The following LRP1B variants were observed in gnomAD, a reference collection of about 807,000 sequenced individuals.
The protein encoded by LRP1B is low-density lipoprotein receptor-related protein 1B.
LRP1B carries 217 observed loss-of-function variants against 556.6 expected under a neutral mutation model. The observed-to-expected ratio is 0.39, with a 90% CI of 0.35 to 0.44. The LOEUF (loss-of-function observed/expected upper bound fraction) is 0.44, where lower values mean the gene tolerates loss of function less well. Ranked by LOEUF, LRP1B falls within the 20% of genes least tolerant of loss-of-function variation. LRP1B has a pLI of 1.00. For synonymous variants in LRP1B, 2,047 were observed against 1,865.8 expected (o/e 1.10, Z -2.50); for missense variants, 5,053 against 5,620.8 (o/e 0.90, Z 3.23).
At chr2:142,036,663 A>G (rs1171199922) in intron 1 of LRP1B, among the ~76,000 whole-genome samples, 1 of 151,580 alleles carries the variant, frequency 6.6e-6, no homozygotes, top group South Asian at 2.1e-4. Context: ...TTTGACAAAA[A>G]TAATAACAAT....
At chr2:140,406,479 A>G (rs1684743812) in intron 66 of LRP1B, among the ~76,000 whole-genome samples, 2 of 152,252 alleles carry the variant, frequency 1.3e-5, no homozygotes, top group Admixed American at 1.3e-4. Context: ...TAGGTCTAAT[A>G]AACACATTCA....
intron 63 of LRP1B, among the ~76,000 whole-genome samples, chr2:140,446,797 A>T (rs1396059752): frequency 6.6e-6 from 1 of 152,182 alleles, no homozygotes; most frequent in East Asian, 1.9e-4. Flanking sequence ...CTCCAAAAAC[A>T]CAGGCAACAA....
intron 41 of LRP1B, among the ~76,000 whole-genome samples, chr2:140,638,254 C>T (rs553424548): frequency 5.2e-4 from 79 of 152,266 alleles, no homozygotes; most frequent in African/African-American, 1.7e-3. Flanking sequence ...CTCAACAAAG[C>T]ACTGTTATAT....
chr2:141,365,485 T>C (rs1456993512), intron 3 of LRP1B, among the ~76,000 whole-genome samples: 1 of 29,558 alleles, frequency 3.4e-5, no homozygotes, highest in Admixed American at 2.1e-4. Context: ...TAGAAGTGTT[T>C]TTTTTTTTTT....
intron 25 of LRP1B, among the ~76,000 whole-genome samples, chr2:140,882,982 G>A (rs971093316): frequency 5.9e-5 from 9 of 152,084 alleles, no homozygotes; most frequent in African/African-American, 1.4e-4. Context: ...AAATCAACAG[G>A]AATAACAAAG....
At chr2:140,628,802 G>A (rs1683772920) in intron 41 of LRP1B, among the ~76,000 whole-genome samples, 1 of 152,108 alleles carries the variant, frequency 6.6e-6, no homozygotes, top group South Asian at 2.1e-4. Context: ...GGATCATGGA[G>A]GTGAATTTCC....
intron 5 of LRP1B, among the ~76,000 whole-genome samples, chr2:141,241,966 A>C: frequency 6.6e-6 from 1 of 152,104 alleles, no homozygotes; most frequent in East Asian, 1.9e-4. Flanking sequence ...TAAATGGTGA[A>C]TCTTCATACA....
At chr2:141,811,125 A>T (rs1325459321) in intron 1 of LRP1B, among the ~76,000 whole-genome samples, 1 of 152,024 alleles carries the variant, frequency 6.6e-6, no homozygotes, top group Non-Finnish European at 1.5e-5. Flanking sequence ...AACTCATCAG[A>T]TGTTTGTTTT....
chr2:141,651,370 A>G (rs536424656), intron 2 of LRP1B, among the ~76,000 whole-genome samples: 1 of 152,342 alleles, frequency 6.6e-6, no homozygotes, highest in African/African-American at 2.4e-5. Context: ...GCATAAAAGT[A>G]TTTTAAAAAT....
intron 3 of LRP1B, among the ~76,000 whole-genome samples, chr2:141,290,211 C>A (rs1685887709): frequency 6.6e-6 from 1 of 152,048 alleles, no homozygotes; most frequent in African/African-American, 2.4e-5. Context: ...AGCAATAGCT[C>A]TACTTCATGG....
intron 20 of LRP1B, among the ~76,000 whole-genome samples, chr2:140,929,753 G>GACTC (rs1262826176): frequency 1.8e-5 from 1 of 54,286 alleles, no homozygotes; most frequent in African/African-American, 5.1e-5. Context: ...CAGTCATATA[G>GACTC]ACTCACACAC....
At chr2:141,291,293 G>A (rs984957692) in intron 3 of LRP1B, among the ~76,000 whole-genome samples, 2 of 151,946 alleles carry the variant, frequency 1.3e-5, no homozygotes, top group Non-Finnish European at 2.9e-5. Flanking sequence ...ATATTTTCAC[G>A]AGTTTTTATA....
chr2:140,479,074 T>C (rs1688105996), intron 59 of LRP1B, among the ~76,000 whole-genome samples: 1 of 152,034 alleles, frequency 6.6e-6, no homozygotes, highest in Non-Finnish European at 1.5e-5. Context: ...TACTCTATTA[T>C]ACTGAAGGAA....
intron 3 of LRP1B, among the ~76,000 whole-genome samples, chr2:141,479,818 TTTAA>T (rs1468776004): frequency 6.6e-6 from 1 of 152,172 alleles, no homozygotes; most frequent in African/African-American, 2.4e-5. Context: ...ATTTTTAGAT[TTTAA>T]TTATTATCCC....
chr2:141,842,905 A>G (rs1401436399), intron 1 of LRP1B, among the ~76,000 whole-genome samples: 2 of 152,156 alleles, frequency 1.3e-5, no homozygotes, highest in African/African-American at 4.8e-5. Context: ...ATATCTCACA[A>G]TAAATGCTTC....
At chr2:141,421,410 T>C (rs990411813) in intron 3 of LRP1B, among the ~76,000 whole-genome samples, 1 of 150,094 alleles carries the variant, frequency 6.7e-6, no homozygotes, top group Admixed American at 6.6e-5. Context: ...GCGCCTGTAG[T>C]CCCAGCTACT....
At chr2:141,729,322 T>TTC (rs1693177430) in intron 2 of LRP1B, among the ~76,000 whole-genome samples, 1 of 151,852 alleles carries the variant, frequency 6.6e-6, no homozygotes, top group Non-Finnish European at 1.5e-5. Flanking sequence ...TTTTAGTCTT[T>TTC]GGACGTTATT....
intron 15 of LRP1B, among the ~76,000 whole-genome samples, chr2:140,999,933 A>T (rs1420205257): frequency 2.0e-5 from 3 of 151,912 alleles, no homozygotes; most frequent in Admixed American, 1.3e-4. Flanking sequence ...TATTTTTGAG[A>T]TGGGGTCTTG....
At chr2:140,963,687 T>C (rs1696107106) in intron 18 of LRP1B, among the ~76,000 whole-genome samples, 1 of 152,004 alleles carries the variant, frequency 6.6e-6, no homozygotes, top group South Asian at 2.1e-4. Flanking sequence ...CTGGGCATTG[T>C]GGCTCACACC....
Sources: allele counts gnomAD v4.1 joint callset (sites outside exome capture counted in the v4.1 genomes callset), GRCh38; gene constraint gnomAD v4.1.1; transcripts MANE v1.5; gene names NCBI Gene and HGNC (gene_info 2026-07-23, HGNC 2026-07-21).